The following LHPP variants were observed in gnomAD, a reference collection of about 807,000 sequenced individuals.
LHPP encodes the protein phospholysine phosphohistidine inorganic pyrophosphate phosphatase, also known as hLHPP.
In LHPP, 24 loss-of-function variants were observed where a neutral mutation model predicts 30.3. That is an observed-to-expected ratio of 0.79 (90% confidence interval 0.57 to 1.11). The LOEUF (loss-of-function observed/expected upper bound fraction) is 1.11, where lower values mean the gene tolerates loss of function less well. Ranked by LOEUF, LHPP falls within the 50% of genes most tolerant of loss-of-function variation. LHPP has a pLI of 0.00. For missense variants in LHPP, 356 were observed against 367.2 expected, an observed-to-expected ratio of 0.97 and a Z score of 0.25; for synonymous variants, 150 against 157.1, an observed-to-expected ratio of 0.95 and a Z score of 0.34.
At chr10:124,497,971 C>T (rs992584867) in intron 4 of LHPP, 65 bp from the exon 5 acceptor site, 26 of 1,294,898 alleles carry the variant, frequency 2.0e-5, no homozygotes, top group African/African-American at 1.9e-4. Context: ...ACAGTGTTTC[C>T]GTGGCTGGGC....
rs776724119 is a variant in LHPP at position 124,541,214 on chromosome 10, G to A, written c.716+23943G>A. ...CCAAGAGGCAGCTTGGAGGTGGGCCGCTGCCCCTGCACACTGTGCTTGGGG... is the reference window on the plus strand; with the variant it reads ...CCAAGAGGCAGCTTGGAGGTGGGCCACTGCCCCTGCACACTGTGCTTGGGG... On this transcript the variant is annotated intron_variant, in intron 6 of 6. Transcript: ENST00000368842. This position sits in a 1 kb window ranked among gnomAD's most constrained non-coding sequence, Gnocchi z 4.2. 1.3e-5 allele frequency among the ~76,000 whole-genome samples: 2 copies of A among 152,142 alleles called. No individual in the cohort carries two copies. The highest frequency in any genetic ancestry group is 6.5e-5 in the Admixed American group (1 of 15,284).
chr10:124,469,835 G>A (rs923840826), intron 1 of LHPP, among the ~76,000 whole-genome samples: 5 of 152,136 alleles, frequency 3.3e-5, no homozygotes, highest in South Asian at 4.1e-4. Flanking sequence ...TCTGAGACAC[G>A]CAGTGAGGTG....
intron 6 of LHPP, among the ~76,000 whole-genome samples, chr10:124,612,552 T>G (rs1201847692): frequency 6.6e-6 from 1 of 152,062 alleles, no homozygotes; most frequent in African/African-American, 2.4e-5. Flanking sequence ...TTCCACAAAG[T>G]CCCCTGGCAG....
rs1228662012 is a variant in LHPP at position 124,517,816 on chromosome 10, CAG to C, written c.716+546_716+547del. Among the ~76,000 whole-genome samples the C allele has an allele frequency of 1.3e-5, 2 of 152,190 alleles. No individual in the cohort carries two copies. The highest frequency in any genetic ancestry group is 6.5e-5 in the Admixed American group (1 of 15,282). On this transcript the variant is annotated intron_variant, in intron 6 of 6. Coordinates refer to ENST00000368842, the MANE Select transcript of LHPP (RefSeq NM_022126.4). The surrounding 1 kb of genome is among the most constrained non-coding windows in gnomAD (Gnocchi z 4.1). Reference sequence around the variant, plus strand: ...AGTCTGCCTGGTCTGGAGCAGCTGTCAGGGGTTGGGAGCTCCCAGGCATGTGG... The same window carrying C: ...AGTCTGCCTGGTCTGGAGCAGCTGTCGGGTTGGGAGCTCCCAGGCATGTGG...
chr10:124,611,816 C>G (rs779423556), intron 6 of LHPP, among the ~76,000 whole-genome samples: 4 of 152,006 alleles, frequency 2.6e-5, no homozygotes, highest in Non-Finnish European at 5.9e-5. Flanking sequence ...ACGTGAGAAC[C>G]AACTTCAAGC....
chr10:124,486,469 C>G lies in LHPP; in HGVS notation c.314-1953C>G, dbSNP rs181638223. On this transcript the variant is annotated intron_variant, in intron 2 of 6. Coordinates refer to ENST00000368842, the MANE Select transcript of LHPP (RefSeq NM_022126.4). ...ATTACACTCCCAGTTAGACTTATTA[C>G]TGTGAAAGAATAAAGATTAAATTCA... 2.2e-3 allele frequency among the ~76,000 whole-genome samples: 329 copies of G among 152,320 alleles called. 2 individuals carry two copies. The highest frequency in any genetic ancestry group is 7.5e-3 in the African/African-American group (312 of 41,568).
At chr10:124,600,215 C>G (rs1589709033) in intron 6 of LHPP, among the ~76,000 whole-genome samples, 1 of 152,350 alleles carries the variant, frequency 6.6e-6, no homozygotes, top group East Asian at 1.9e-4. Flanking sequence ...GATGGGTCCC[C>G]TGTCAGACCT....
intron 6 of LHPP, among the ~76,000 whole-genome samples, chr10:124,597,530 C>A (rs936358834): frequency 1.3e-5 from 2 of 152,246 alleles, no homozygotes; most frequent in Non-Finnish European, 2.9e-5. Context: ...AGTAGTGGGG[C>A]TGCGTGACTC....
At chr10:124,546,727 G>T (rs1357093047) in intron 6 of LHPP, among the ~76,000 whole-genome samples, 1 of 152,142 alleles carries the variant, frequency 6.6e-6, no homozygotes. Context: ...TTGTATCTTG[G>T]TGGGTAAGGC....
At position 124,576,452 on chromosome 10, in the gene LHPP, C is replaced by G. The variant is rs576294077; in HGVS notation, c.717-36812C>G. ...GAGCTGCTCCCAGACCCCCTCATAT[C>G]CATCCTGCCTCCAGAACCCCTATAT... On this transcript the variant is annotated intron_variant, in intron 6 of 6. Transcript: ENST00000368842. This position sits in a 1 kb window ranked among gnomAD's most constrained non-coding sequence, Gnocchi z 4.2. Among the ~76,000 whole-genome samples, 1 of 150,378 alleles carries G rather than the reference C, an allele frequency of 6.6e-6. No homozygotes were observed. Among genetic ancestry groups the G allele is most frequent in the East Asian group, 2.0e-4 (1 of 5,060 alleles).
At chr10:124,555,691 T>C (rs1228953254) in intron 6 of LHPP, among the ~76,000 whole-genome samples, 2 of 152,266 alleles carry the variant, frequency 1.3e-5, no homozygotes, top group Non-Finnish European at 2.9e-5. Flanking sequence ...ATATTTTATC[T>C]GATTTTCTAG....
chr10:124,475,832 C>T (rs1952927448), intron 1 of LHPP, among the ~76,000 whole-genome samples: 1 of 152,190 alleles, frequency 6.6e-6, no homozygotes, highest in Non-Finnish European at 1.5e-5. Flanking sequence ...CCCCACCCCT[C>T]ACCCCCACAT....
intron 6 of LHPP, among the ~76,000 whole-genome samples, chr10:124,524,407 G>C (rs980860770): frequency 1.3e-4 from 20 of 151,260 alleles, no homozygotes; most frequent in Admixed American, 4.0e-4. Context: ...CTCCCAAGTA[G>C]CTGGGATTAT....
intron 6 of LHPP, among the ~76,000 whole-genome samples, chr10:124,589,758 G>C (rs902588356): frequency 1.3e-5 from 2 of 152,212 alleles, no homozygotes; most frequent in African/African-American, 4.8e-5. Context: ...CCGCATCTCT[G>C]GGGGTGAGGT....
chr10:124,496,222 GC>G lies in LHPP; in HGVS notation c.468-737del, dbSNP rs935777256. Among the ~76,000 whole-genome samples the G allele has an allele frequency of 2.0e-5, 3 of 152,186 alleles. No homozygotes were observed. The highest frequency in any genetic ancestry group is 6.5e-5 in the Admixed American group (1 of 15,278). Reference sequence around the variant, plus strand: ...AGTCAATTGGCTTAGTTCAGCCAGAGCCAGGTCTGGCCCACCATGTGTCTGG... The same window carrying G: ...AGTCAATTGGCTTAGTTCAGCCAGAGCAGGTCTGGCCCACCATGTGTCTGG... On this transcript the variant is annotated intron_variant, in intron 3 of 6. Transcript: ENST00000368842. This position sits in a 1 kb window ranked among gnomAD's most constrained non-coding sequence, Gnocchi z 4.3.
chr10:124,470,301 C>T (rs1952688911), intron 1 of LHPP, among the ~76,000 whole-genome samples: 1 of 152,160 alleles, frequency 6.6e-6, no homozygotes, highest in East Asian at 1.9e-4. Flanking sequence ...CAGCCCAGGC[C>T]CGGCTCGGCG....
At chr10:124,535,573 A>ATTT (rs34086090) in intron 6 of LHPP, among the ~76,000 whole-genome samples, 11 of 146,800 alleles carry the variant, frequency 7.5e-5, no homozygotes, top group East Asian at 6.0e-4. Context: ...TTAAAAAAAC[A>ATTT]TTTTTTTTTT....
chr10:124,491,255 C>T (rs1226279872), intron 3 of LHPP, among the ~76,000 whole-genome samples: 2 of 152,196 alleles, frequency 1.3e-5, no homozygotes, highest in Non-Finnish European at 2.9e-5. Context: ...GTGGGAATTC[C>T]GAGGCGGTGG....
chr10:124,542,557 G>T (rs1345512489), intron 6 of LHPP, among the ~76,000 whole-genome samples: 2 of 152,182 alleles, frequency 1.3e-5, no homozygotes, highest in African/African-American at 4.8e-5. Context: ...AGTTCAGCCT[G>T]CAGCTCTCCT....
Sources: gnomAD v4.1 joint callset for allele counts (sites outside exome capture counted in the v4.1 genomes callset) on GRCh38, gnomAD v4.1.1 for gene constraint, Gnocchi (gnomAD v3.1) non-coding constraint, MANE v1.5 for transcripts, NCBI Gene and HGNC (gene_info 2026-07-23, HGNC 2026-07-21) for gene names.